The following ENPP1 variants were observed in gnomAD, a reference collection of about 807,000 sequenced individuals.
The protein encoded by ENPP1 is ectonucleotide pyrophosphatase/phosphodiesterase 1.
ENPP1 carries 73 observed loss-of-function variants against 122.8 expected under a neutral mutation model. The ratio of observed to expected loss-of-function variants is 0.59; its 90% CI spans 0.49 to 0.72. The LOEUF (loss-of-function observed/expected upper bound fraction) is 0.72. ENPP1 is among the 30% of genes least tolerant of loss of function. ENPP1 has a pLI of 0.00. For missense variants in ENPP1, 978 were observed against 1,128.1 expected, an observed-to-expected ratio of 0.87 and a Z score of 1.91; for synonymous variants, 367 against 391.6, an observed-to-expected ratio of 0.94 and a Z score of 0.74.
At chr6:131,852,150 T>C (rs375078910) in intron 4 of ENPP1, 25 bp from the exon 5 acceptor site, 3 of 1,507,748 alleles carry the variant, frequency 2.0e-6, no homozygotes, top group African/African-American at 2.7e-5. Flanking sequence ...AGTGTGTTCA[T>C]TTTATTTTCT....
intron 9 of ENPP1, among the ~76,000 whole-genome samples, chr6:131,862,074 C>T (rs985237006): frequency 9.9e-5 from 15 of 152,046 alleles, no homozygotes; most frequent in Admixed American, 2.6e-4. Context: ...AAGGCTGAGG[C>T]AGGAGAATCA....
intron 1 of ENPP1, 69 bp downstream of exon 1, chr6:131,808,344 G>A: frequency 1.4e-6 from 2 of 1,412,234 alleles, no homozygotes; most frequent in Non-Finnish European, 1.9e-6. Context: ...CCGAGCTCCT[G>A]CGCTCTCAGC....
chr6:131,852,281 C>T (rs756358253), intron 5 of ENPP1, 46 bp downstream of exon 5: 4 of 1,144,944 alleles, frequency 3.5e-6, no homozygotes, highest in Non-Finnish European at 5.2e-6. Context: ...TTTAGAAGTA[C>T]AGCATCATTT....
In ENPP1 at chr6:131,894,731, G is replaced by C. The variant is rs978657847; in HGVS notation, c.*4220G>C. On this transcript the variant is annotated 3_prime_UTR_variant, in exon 25 of 25. Coordinates refer to ENST00000647893, the MANE Select transcript of ENPP1 (RefSeq NM_006208.3). ...AGGCAGCTGCTCATTTCCAGCAGGG[G>C]AAGTAGCTGCATAGAGTACAAGGAC... 2.0e-5 allele frequency: 3 copies of C among 152,186 alleles called. No individual in the cohort carries two copies. Among genetic ancestry groups the C allele is most frequent in the African/African-American group, 7.2e-5 (3 of 41,462 alleles). 9.4% of individuals were successfully genotyped at this position (152,186 alleles called of 1,614,324 possible). A position where few individuals can be genotyped will look rare whatever the true frequency, so the allele number is the denominator to read the frequency against.
chr6:131,814,832 T>C (rs991973031), intron 1 of ENPP1, among the ~76,000 whole-genome samples: 1 of 152,176 alleles, frequency 6.6e-6, no homozygotes, highest in Admixed American at 6.5e-5. Flanking sequence ...ATAAAATACA[T>C]AAAGGATTCC....
At chr6:131,838,867 G>A (rs1450586247) in intron 1 of ENPP1, among the ~76,000 whole-genome samples, 1 of 152,086 alleles carries the variant, frequency 6.6e-6, no homozygotes. Context: ...GAAAAGGTAG[G>A]TGAAATGAAA....
intron 5 of ENPP1, among the ~76,000 whole-genome samples, chr6:131,852,557 T>G (rs1458509822): frequency 1.3e-5 from 2 of 152,210 alleles, no homozygotes; most frequent in Non-Finnish European, 2.9e-5. Flanking sequence ...ATTTTCAGAT[T>G]TGGGATGCCC....
intron 1 of ENPP1, chr6:131,826,820 T>G: frequency 2.5e-6 from 1 of 392,792 alleles, no homozygotes; most frequent in Non-Finnish European, 4.8e-6. Flanking sequence ...TACTGAACTG[T>G]TGAGGGAGAA....
At chr6:131,860,060 C>T (rs1468278195) in intron 7 of ENPP1, among the ~76,000 whole-genome samples, 4 of 151,856 alleles carry the variant, frequency 2.6e-5, no homozygotes, top group Non-Finnish European at 5.9e-5. Flanking sequence ...CTCTTGACCT[C>T]GTGATCCGCC....
intron 9 of ENPP1, among the ~76,000 whole-genome samples, chr6:131,864,273 G>A (rs1043660474): frequency 3.9e-5 from 6 of 152,186 alleles, no homozygotes; most frequent in Non-Finnish European, 7.3e-5. Flanking sequence ...TTATCCTCAA[G>A]TAGAGGATAG....
intron 22 of ENPP1, among the ~76,000 whole-genome samples, chr6:131,884,425 T>C (rs1308883703): frequency 6.6e-6 from 1 of 152,228 alleles, no homozygotes; most frequent in East Asian, 1.9e-4. Context: ...CGTTTGTCTG[T>C]GAGTCCTTTC....
intron 24 of ENPP1, 133 bp downstream of exon 24, chr6:131,886,857 C>A: frequency 1.6e-6 from 1 of 620,402 alleles, no homozygotes; most frequent in Non-Finnish European, 2.7e-6. Flanking sequence ...TTATAGGATG[C>A]TTTTAAATTT....
Position 131,890,353 on chromosome 6 carries a change from G to C in ENPP1, c.2620G>C (p.Asp874His). The C allele has an allele frequency of 6.2e-7, 1 of 1,613,606 alleles. No homozygotes were observed. The highest frequency in any genetic ancestry group is 1.7e-5 in the Admixed American group (1 of 60,022). ...CCTATTCTCCTAGCATGGGAAGCATGACTCCTCATGGGTTGAAGAATTGTT... is the reference window on the plus strand; with the variant it reads ...CCTATTCTCCTAGCATGGGAAGCATCACTCCTCATGGGTTGAAGAATTGTT... ...NSESCVHGKH[D>H]SSWVEELLML... Residue 874 changes from aspartate (D) to histidine (H), a missense_variant, in exon 25 of 25, where the codon GAC (aspartate) becomes CAC (histidine). Coordinates refer to ENST00000647893, the MANE Select transcript of ENPP1 (RefSeq NM_006208.3).
At chr6:131,827,034 A>G (rs1781554703) in intron 1 of ENPP1, 1 of 554,484 alleles carries the variant, frequency 1.8e-6, no homozygotes, top group African/African-American at 1.9e-5. Context: ...GAGGTTGACC[A>G]GCTGTGAGAC....
chr6:131,811,045 C>G (rs1215619711), intron 1 of ENPP1, among the ~76,000 whole-genome samples: 2 of 152,036 alleles, frequency 1.3e-5, no homozygotes, highest in African/African-American at 4.8e-5. Context: ...ATATTAGATG[C>G]CTTTCCTTGG....
At chr6:131,860,754 T>A (rs1300629918) in intron 8 of ENPP1, among the ~76,000 whole-genome samples, 3 of 152,284 alleles carry the variant, frequency 2.0e-5, no homozygotes, top group African/African-American at 7.2e-5. Context: ...TGATCAATTC[T>A]TCTTCTACCA....
intron 9 of ENPP1, 126 bp downstream of exon 9, chr6:131,861,830 G>A (rs1292424517): frequency 8.9e-6 from 6 of 673,404 alleles, no homozygotes; most frequent in Non-Finnish European, 1.6e-5. Flanking sequence ...GAGAACTGAA[G>A]AACTCTTTCT....
intron 2 of ENPP1, among the ~76,000 whole-genome samples, chr6:131,848,364 C>G (rs1260859780): frequency 6.6e-6 from 1 of 152,042 alleles, no homozygotes; most frequent in Non-Finnish European, 1.5e-5. Flanking sequence ...AATAATTAAA[C>G]TGGATCACAG....
chr6:131,887,504 T>A (rs1347695017), intron 24 of ENPP1, among the ~76,000 whole-genome samples: 4 of 150,212 alleles, frequency 2.7e-5, no homozygotes, highest in Non-Finnish European at 5.9e-5. Context: ...ACCATTCTCC[T>A]GCCTCAGCCT....
Sources: allele counts gnomAD v4.1 joint callset (sites outside exome capture counted in the v4.1 genomes callset), GRCh38; gene constraint gnomAD v4.1.1; transcripts MANE v1.5; gene names NCBI Gene and HGNC (gene_info 2026-07-23, HGNC 2026-07-21).